The following CSMD1 variants were observed in gnomAD, a reference collection of about 807,000 sequenced individuals.
CSMD1 encodes CUB and Sushi multiple domains 1, also known as CUB and sushi domain-containing protein 1.
A neutral mutation model predicts 417.5 loss-of-function variants in CSMD1; 213 were observed. That is an observed-to-expected ratio of 0.51 (90% CI 0.46 to 0.57). The LOEUF (loss-of-function observed/expected upper bound fraction) is 0.57, where lower values mean the gene tolerates loss of function less well. Among genes scored for constraint, CSMD1 ranks in the 20% least tolerant of loss-of-function variants. The pLI, the probability that CSMD1 is intolerant of heterozygous loss-of-function variation, is 0.00. For missense variants in CSMD1, 6,923 were observed against 4,529.7 expected (o/e 1.53, Z -15.17); for synonymous variants, 2,862 against 1,736.8 (o/e 1.65, Z -16.11).
rs192347152 is a variant in CSMD1, at chr8:4,887,509, T to C, written c.85+106823A>G. On this transcript the variant is annotated intron_variant, in intron 1 of 69. Transcript: ENST00000635120. Reference sequence around the variant, plus strand: ...GATAATTCATGATGCTATTCAATTCTTCTAGTTCCTTGTTATTTTTTACAT... The same window carrying C: ...GATAATTCATGATGCTATTCAATTCCTCTAGTTCCTTGTTATTTTTTACAT... Among the ~76,000 whole-genome samples the C allele has an allele frequency of 6.1e-3, 934 of 152,092 alleles. 5 individuals are homozygous for C. The highest frequency in any genetic ancestry group is 9.7e-3 in the Non-Finnish European group (656 of 67,950).
chr8:3,307,908 G>A (rs1302730917), intron 24 of CSMD1, 87 bp from the exon 25 acceptor site: 24 of 1,421,630 alleles, frequency 1.7e-5, no homozygotes, highest in Non-Finnish European at 2.2e-5. Context: ...AAGCCATTAT[G>A]TCTGCATTAT....
At chr8:3,094,566 T>C (rs1439843752) in intron 47 of CSMD1, among the ~76,000 whole-genome samples, 2 of 152,210 alleles carry the variant, frequency 1.3e-5, no homozygotes, top group East Asian at 3.8e-4. Flanking sequence ...AGGTATCCAT[T>C]TCTGTTACCA....
chr8:4,944,705 G>A (rs1205912791), intron 1 of CSMD1, among the ~76,000 whole-genome samples: 3 of 152,124 alleles, frequency 2.0e-5, no homozygotes, highest in African/African-American at 7.2e-5. Flanking sequence ...CACCCACGCA[G>A]ATGACTACTG....
At chr8:4,866,755 T>A (rs994525433) in intron 1 of CSMD1, among the ~76,000 whole-genome samples, 6 of 152,070 alleles carry the variant, frequency 3.9e-5, no homozygotes, top group Admixed American at 2.0e-4. Flanking sequence ...ACTCATTTTT[T>A]AAAATTATTA....
At chr8:4,190,699 A>G (rs1268113979) in intron 3 of CSMD1, among the ~76,000 whole-genome samples, 1 of 152,208 alleles carries the variant, frequency 6.6e-6, no homozygotes, top group African/African-American at 2.4e-5. Flanking sequence ...TTATGAATTA[A>G]CAAACATTTT....
intron 3 of CSMD1, among the ~76,000 whole-genome samples, chr8:4,209,442 C>G: frequency 6.6e-6 from 1 of 152,144 alleles, no homozygotes. Flanking sequence ...CCTCATCAAG[C>G]CAAGTGAGGA....
chr8:3,754,411 C>A (rs913150034), intron 5 of CSMD1, among the ~76,000 whole-genome samples: 1 of 149,792 alleles, frequency 6.7e-6, no homozygotes. Flanking sequence ...CTGTGTTTCA[C>A]AATTTGAAGA....
chr8:4,925,279 G>T (rs1806781169), intron 1 of CSMD1, among the ~76,000 whole-genome samples: 1 of 118,072 alleles, frequency 8.5e-6, no homozygotes, highest in South Asian at 2.8e-4. Context: ...AGGGGCTCAA[G>T]AGTTCAACTT....
chr8:3,874,466 G>A (rs1305860355), intron 5 of CSMD1, among the ~76,000 whole-genome samples: 2 of 152,168 alleles, frequency 1.3e-5, no homozygotes, highest in African/African-American at 2.4e-5. Context: ...AGACTTCAGT[G>A]CTTGAACTTT....
At chr8:4,874,693 A>C (rs919395209) in intron 1 of CSMD1, among the ~76,000 whole-genome samples, 1 of 151,952 alleles carries the variant, frequency 6.6e-6, no homozygotes, top group Non-Finnish European at 1.5e-5. Flanking sequence ...AATAGCTAAC[A>C]GTGAATTTAC....
intron 5 of CSMD1, among the ~76,000 whole-genome samples, chr8:3,878,512 TTTTA>T (rs1466026839): frequency 2.2e-4 from 34 of 152,304 alleles, no homozygotes; most frequent in African/African-American, 6.5e-4. Context: ...TTTTTAATAT[TTTTA>T]TTTATTTAAA....
At position 3,105,016 on chromosome 8, in the gene CSMD1, C is replaced by G. The variant is rs548033735; in HGVS notation, c.6949+1512G>C. On this transcript the variant is annotated intron_variant, in intron 46 of 69. Coordinates refer to ENST00000635120, the MANE Select transcript of CSMD1 (RefSeq NM_033225.6). ...CCACCGCGCCCGGCCAGTTATCAGA[C>G]CTTTGAAGAGGATCCATGCACAGGT... Among the ~76,000 whole-genome samples the G allele has an allele frequency of 5.3e-5, 8 of 152,330 alleles. No homozygotes were observed. The East Asian group carries it at 1.2e-3, about 22-fold the overall frequency.
At chr8:3,120,198 G>A (rs1363858609) in intron 41 of CSMD1, among the ~76,000 whole-genome samples, 1 of 152,124 alleles carries the variant, frequency 6.6e-6, no homozygotes, top group African/African-American at 2.4e-5. Flanking sequence ...CAGGGCAGAG[G>A]GGCCAGCAGA....
Position 4,145,627 on chromosome 8 carries a change from G to A in CSMD1, c.416-113528C>T, listed in dbSNP as rs370444874. On this transcript the variant is annotated intron_variant, in intron 3 of 69. Transcript: ENST00000635120. ...TAGTGTCAAAGTCCTCGGCTCAAGC[G>A]ATCCTGCCCACTTGGCCTCTCAAAG... Among the ~76,000 whole-genome samples, 27 of 150,912 alleles carry A rather than the reference G, an allele frequency of 1.8e-4. 1 individual carries two copies. The highest frequency in any genetic ancestry group is 1.4e-3 in the East Asian group (7 of 5,174).
intron 1 of CSMD1, among the ~76,000 whole-genome samples, chr8:4,958,057 A>C (rs1354503544): frequency 6.6e-6 from 1 of 152,198 alleles, no homozygotes; most frequent in Admixed American, 6.5e-5. Flanking sequence ...TCATTTGATA[A>C]GAGGGAGCTT....
At chr8:3,609,976 A>G (rs1280196946) in intron 8 of CSMD1, among the ~76,000 whole-genome samples, 2 of 151,676 alleles carry the variant, frequency 1.3e-5, no homozygotes, top group South Asian at 2.1e-4. Flanking sequence ...TAATTTTTGT[A>G]TTTTTAGTAG....
intron 1 of CSMD1, among the ~76,000 whole-genome samples, chr8:4,865,982 G>C (rs1012411847): frequency 2.0e-5 from 3 of 151,892 alleles, no homozygotes; most frequent in African/African-American, 7.3e-5. Context: ...AAGTCCTTGA[G>C]ATGTAACTTA....
At chr8:3,137,703 AGTT>A (rs1818185843) in intron 41 of CSMD1, among the ~76,000 whole-genome samples, 1 of 152,216 alleles carries the variant, frequency 6.6e-6, no homozygotes, top group Non-Finnish European at 1.5e-5. Flanking sequence ...CCGTGTAAAT[AGTT>A]GTTATTCTGT....
At chr8:3,584,183 A>T (rs999494900) in intron 9 of CSMD1, among the ~76,000 whole-genome samples, 23 of 152,198 alleles carry the variant, frequency 1.5e-4, no homozygotes, top group Admixed American at 5.2e-4. Flanking sequence ...AATGTTGATC[A>T]AAGTATATCT....
Sources: gnomAD v4.1 joint callset for allele counts (sites outside exome capture counted in the v4.1 genomes callset) on GRCh38, gnomAD v4.1.1 for gene constraint, MANE v1.5 for transcripts, NCBI Gene and HGNC (gene_info 2026-07-23, HGNC 2026-07-21) for gene names.